VGLL3: variants seen among roughly 807,000 people sequenced by gnomAD.
VGLL3 encodes transcription cofactor vestigial-like protein 3.
VGLL3 carries 18 observed loss-of-function variants against 29.2 expected under a neutral mutation model. The observed-to-expected ratio is 0.62, with a 90% CI of 0.43 to 0.91. The LOEUF (loss-of-function observed/expected upper bound fraction) is 0.91. Among genes scored for constraint, VGLL3 ranks in the 40% least tolerant of loss-of-function variants. The pLI is 0.00. For missense variants in VGLL3, 440 were observed against 413.2 expected (o/e 1.06, Z -0.56); for synonymous variants, 180 against 151.8 (o/e 1.19, Z -1.36).
At chr3:86,959,154 T>C (rs1246393605) in intron 3 of VGLL3, among the ~76,000 whole-genome samples, 1 of 152,188 alleles carries the variant, frequency 6.6e-6, no homozygotes, top group African/African-American at 2.4e-5. Context: ...CACAAAATTC[T>C]ATAAATCTTT....
chr3:86,963,241 A>G (rs1252030321), intron 3 of VGLL3, among the ~76,000 whole-genome samples: 1 of 152,250 alleles, frequency 6.6e-6, no homozygotes, highest in African/African-American at 2.4e-5. Context: ...CCACCCAATG[A>G]AATCGTACCT....
At chr3:86,965,318 G>T (rs1305749736) in intron 3 of VGLL3, among the ~76,000 whole-genome samples, 1 of 152,064 alleles carries the variant, frequency 6.6e-6, no homozygotes, top group African/African-American at 2.4e-5. Context: ...CTGTATGAAG[G>T]TTCTTCTCTT....
At chr3:86,955,405 C>T (rs1170955560) in intron 3 of VGLL3, among the ~76,000 whole-genome samples, 5 of 124,850 alleles carry the variant, frequency 4.0e-5, no homozygotes, top group African/African-American at 1.6e-4. Flanking sequence ...TTTTTTGAGA[C>T]GAAGTCTCAC....
rs184197678 is a variant in VGLL3 at position 86,945,764 on chromosome 3, C to A, written c.*1260G>T. 1 of 152,074 alleles carries A rather than the reference C, an allele frequency of 6.6e-6. No individual in the cohort carries two copies. Among genetic ancestry groups the A allele is most frequent in the East Asian group, 1.9e-4 (1 of 5,176 alleles). 9.4% of individuals were successfully genotyped at this position (152,074 alleles called of 1,614,324 possible). ...ATACACTTTATTTTGCCCTAAATTT[C>A]TTTCTAAAAAGGAATTAAATCAAGT... is the stretch of plus-strand genomic sequence containing the variant. On this transcript the variant is annotated 3_prime_UTR_variant, in exon 4 of 4. Transcript: ENST00000398399.
In VGLL3 at chr3:86,940,997, G is replaced by GT. The variant is rs1704386625; in HGVS notation, c.*6026dup. On this transcript the variant is annotated 3_prime_UTR_variant, in exon 4 of 4. Coordinates refer to ENST00000398399, the MANE Select transcript of VGLL3 (RefSeq NM_016206.4). ...CAGTAAAATAATATTTCTATTGTTAGTTTTCAGTTTACCTAATCAAGTGAC... is the reference window on the plus strand; with the variant it reads ...CAGTAAAATAATATTTCTATTGTTAGTTTTTCAGTTTACCTAATCAAGTGAC... The GT allele has an allele frequency of 1.3e-5, 2 of 152,228 alleles. No individual in the cohort carries two copies. The highest frequency in any genetic ancestry group is 4.2e-4 in the South Asian group (2 of 4,816). The allele number at this position is 152,228 out of a possible 1,614,324, so 9.4% of individuals were successfully genotyped here.
rs1045267102 is a variant in VGLL3, at chr3:86,943,119, A to T, written c.*3905T>A. ...TAAATGAAGCCCCAAACCACACATA[A>T]ACTTTTGGCTAAACTAGAATTTAGA... On this transcript the variant is annotated 3_prime_UTR_variant, in exon 4 of 4. Coordinates refer to ENST00000398399, the MANE Select transcript of VGLL3 (RefSeq NM_016206.4). The T allele has an allele frequency of 2.0e-5, 3 of 152,064 alleles. No homozygotes were observed. The highest frequency in any genetic ancestry group is 2.9e-5 in the Non-Finnish European group (2 of 68,010). The allele number at this position is 152,064 out of a possible 1,614,324, so 9.4% of individuals were successfully genotyped here. A position where few individuals can be genotyped will look rare whatever the true frequency, so the allele number is the denominator to read the frequency against.
At chr3:86,968,567 A>G (rs1269976522) in intron 3 of VGLL3, 23 bp downstream of exon 3, 1 of 1,588,212 alleles carries the variant, frequency 6.3e-7, no homozygotes, top group Admixed American at 1.8e-5. Context: ...TTGTTATAGG[A>G]AGAAAGAAAT....
In VGLL3 at chr3:86,990,912, C is replaced by A; in HGVS notation, c.-169G>T. On this transcript the variant is annotated 5_prime_UTR_variant, in exon 1 of 4. Coordinates refer to ENST00000398399, the MANE Select transcript of VGLL3 (RefSeq NM_016206.4). The stretch of plus-strand genomic sequence containing the variant: ...TCGGGCTCCGCGCGGGGCGCGGGGT[C>A]GGGAGGGACTGGCAATCAGCGGGGG... 2 of 1,111,410 alleles carry A rather than the reference C, an allele frequency of 1.8e-6. No homozygotes were observed. Among genetic ancestry groups the A allele is most frequent in the Non-Finnish European group, 2.2e-6 (2 of 907,098 alleles). The allele number at this position is 1,111,410 out of a possible 1,614,324, so 68.8% of individuals were successfully genotyped here. A position where few individuals can be genotyped will look rare whatever the true frequency, so the allele number is the denominator to read the frequency against.
intron 1 of VGLL3, among the ~76,000 whole-genome samples, chr3:86,983,376 A>AT (rs1048147310): frequency 2.2e-4 from 34 of 151,984 alleles, no homozygotes; most frequent in Admixed American, 5.2e-4. Context: ...GACCATATAT[A>AT]TTTTTTTTCT....
intron 2 of VGLL3, among the ~76,000 whole-genome samples, chr3:86,974,680 G>C (rs577426490): frequency 2.3e-4 from 35 of 152,234 alleles, no homozygotes; most frequent in Non-Finnish European, 4.0e-4. Flanking sequence ...TATATTCTTA[G>C]TCAAACACGA....
intron 3 of VGLL3, among the ~76,000 whole-genome samples, chr3:86,953,594 T>C (rs1704656180): frequency 6.6e-6 from 1 of 152,214 alleles, no homozygotes; most frequent in African/African-American, 2.4e-5. Flanking sequence ...CATATTTATA[T>C]ATTTTTCCTA....
chr3:86,951,854 G>A (rs1559720344), intron 3 of VGLL3, among the ~76,000 whole-genome samples: 1 of 152,148 alleles, frequency 6.6e-6, no homozygotes, highest in Non-Finnish European at 1.5e-5. Flanking sequence ...AGAAGAAATA[G>A]CATGGGCCAC....
rs544995924 is a variant in VGLL3 at position 86,961,190 on chromosome 3, T to C, written c.937+7400A>G. ...GGATCTACAGATGAATACAATCTCA[T>C]GCCATGAGCAGCTTGTGTTTATAAA... On this transcript the variant is annotated intron_variant, in intron 3 of 3. Transcript: ENST00000398399. 1.8e-3 allele frequency among the ~76,000 whole-genome samples: 277 copies of C among 152,136 alleles called. 1 individual carries two copies. Among genetic ancestry groups the C allele is most frequent in the African/African-American group, 6.4e-3 (267 of 41,526 alleles).
Position 86,965,957 on chromosome 3 carries a change from GA to G in VGLL3, c.937+2632del, listed in dbSNP as rs372364405. Reference sequence around the variant, plus strand: ...TCTGAGTCTCAGAGTCTGTTTCCTAGAAAAATTGACGTACAACACCCCTCTC... The same window carrying G: ...TCTGAGTCTCAGAGTCTGTTTCCTAGAAAATTGACGTACAACACCCCTCTC... On this transcript the variant is annotated intron_variant, in intron 3 of 3. Transcript: ENST00000398399. 2.8e-3 allele frequency among the ~76,000 whole-genome samples: 420 copies of G among 152,210 alleles called. 1 individual carries two copies. The highest frequency in any genetic ancestry group is 9.4e-3 in the African/African-American group (390 of 41,524).
At chr3:86,985,697 G>C (rs1307021416) in intron 1 of VGLL3, among the ~76,000 whole-genome samples, 1 of 152,190 alleles carries the variant, frequency 6.6e-6, no homozygotes, top group African/African-American at 2.4e-5. Context: ...TCAGAGCAGA[G>C]CTTAGCTCAA....
rs1356274156 is a variant in VGLL3, at chr3:86,942,580, T to C, written c.*4444A>G. 3 of 152,200 alleles carry C rather than the reference T, an allele frequency of 2.0e-5. No homozygotes were observed. The highest frequency in any genetic ancestry group is 4.4e-5 in the Non-Finnish European group (3 of 68,036). 9.4% of individuals were successfully genotyped at this position (152,200 alleles called of 1,614,324 possible). A position where few individuals can be genotyped will look rare whatever the true frequency, so the allele number is the denominator to read the frequency against. On this transcript the variant is annotated 3_prime_UTR_variant, in exon 4 of 4. Transcript: ENST00000398399. The stretch of plus-strand genomic sequence containing the variant: ...TATCCTAGGTGCCAAGGAAGTTTGA[T>C]ATATAACTAAAAATATAAACTATGG...
At chr3:86,984,333 C>T (rs1174556020) in intron 1 of VGLL3, among the ~76,000 whole-genome samples, 7 of 152,056 alleles carry the variant, frequency 4.6e-5, no homozygotes, top group Admixed American at 2.6e-4. Context: ...TAGGGAGGAG[C>T]CAACCGAAAA....
At chr3:86,971,691 C>T (rs181697707) in intron 2 of VGLL3, among the ~76,000 whole-genome samples, 1 of 152,228 alleles carries the variant, frequency 6.6e-6, no homozygotes, top group East Asian at 1.9e-4. Flanking sequence ...GAAGGAAAGT[C>T]GTGTAAGTTG....
intron 3 of VGLL3, among the ~76,000 whole-genome samples, chr3:86,960,325 T>C (rs1704811933): frequency 6.6e-6 from 1 of 152,168 alleles, no homozygotes; most frequent in Non-Finnish European, 1.5e-5. Flanking sequence ...AATGTGATTC[T>C]GTTTTTATGA....
Sources: gnomAD v4.1 joint callset for allele counts (sites outside exome capture counted in the v4.1 genomes callset) on GRCh38, gnomAD v4.1.1 for gene constraint, MANE v1.5 for transcripts, NCBI Gene and HGNC (gene_info 2026-07-23, HGNC 2026-07-21) for gene names.